The following CHN2 variants were observed in gnomAD, a reference collection of about 807,000 sequenced individuals.
CHN2 encodes the protein chimerin 2.
A neutral mutation model predicts 56.3 loss-of-function variants in CHN2; 35 were observed. That is an observed-to-expected ratio of 0.62 (90% confidence interval 0.47 to 0.82). The LOEUF (loss-of-function observed/expected upper bound fraction) is 0.82. Ranked by LOEUF, CHN2 falls within the 40% of genes least tolerant of loss-of-function variation. CHN2 has a pLI of 0.00. For synonymous variants in CHN2, 210 were observed against 212.8 expected, an observed-to-expected ratio of 0.99 and a Z score of 0.12; for missense variants, 491 against 580.5, an observed-to-expected ratio of 0.85 and a Z score of 1.58.
intron 3 of CHN2, among the ~76,000 whole-genome samples, chr7:29,381,746 T>G (rs1410918017): frequency 7.1e-6 from 1 of 140,780 alleles, no homozygotes; most frequent in East Asian, 2.2e-4. Flanking sequence ...AGATTTTGAT[T>G]TAATGGAAAT....
intron 6 of CHN2, among the ~76,000 whole-genome samples, chr7:29,411,504 T>C (rs957522133): frequency 2.6e-5 from 4 of 152,150 alleles, no homozygotes; most frequent in Non-Finnish European, 5.9e-5. Context: ...TGGAGTCATA[T>C]CTGCCCACTA....
intron 2 of CHN2, among the ~76,000 whole-genome samples, chr7:29,168,404 A>G (rs748395645): frequency 2.0e-5 from 3 of 152,186 alleles, no homozygotes; most frequent in Admixed American, 6.6e-5. Flanking sequence ...TTTCAAGCAT[A>G]CAAAATAGAA....
At chr7:29,437,927 C>T (rs1462314370) in intron 6 of CHN2, among the ~76,000 whole-genome samples, 1 of 152,128 alleles carries the variant, frequency 6.6e-6, no homozygotes, top group Non-Finnish European at 1.5e-5. Flanking sequence ...GGCTGAAGAG[C>T]TTTAAGAACC....
At chr7:29,407,104 G>A (rs911197854) in intron 6 of CHN2, among the ~76,000 whole-genome samples, 2 of 152,152 alleles carry the variant, frequency 1.3e-5, no homozygotes, top group Non-Finnish European at 2.9e-5. Context: ...GTAGCATCAG[G>A]AGCAGCAGGA....
intron 1 of CHN2, among the ~76,000 whole-genome samples, chr7:29,305,145 AG>A (rs1335681483): frequency 1.3e-5 from 2 of 152,192 alleles, no homozygotes; most frequent in Non-Finnish European, 2.9e-5. Flanking sequence ...GCCTGCACAG[AG>A]GATACGACAG....
chr7:29,212,488 G>A, intron 1 of CHN2: 1 of 1,583,558 alleles, frequency 6.3e-7, no homozygotes, highest in South Asian at 1.1e-5. Flanking sequence ...TGCTTATTCA[G>A]GACAGCCCTG....
Position 29,171,054 on chromosome 7 carries a change from A to G in CHN2, c.274+24094A>G, listed in dbSNP as rs1442208158. 7.2e-5 allele frequency among the ~76,000 whole-genome samples: 11 copies of G among 152,068 alleles called. No individual in the cohort carries two copies. The South Asian group carries it at 8.3e-4, about 11-fold the overall frequency. ...CAAACCATATCACTTACACTTCTCT[A>G]TGACTCAGCTGATTTATTAAAAAAC... On this transcript the variant is annotated intron_variant, in intron 2 of 6. Transcript: ENST00000439384.
chr7:29,198,096 G>C (rs571348945), intron 1 of CHN2: 23 of 454,590 alleles, frequency 5.1e-5, no homozygotes, highest in Admixed American at 4.2e-4. Context: ...GCTGATGTAG[G>C]AGGTTTTCTT....
chr7:29,204,065 CTCTG>C (rs369809606), intron 1 of CHN2, among the ~76,000 whole-genome samples: 4,634 of 135,678 alleles, frequency 0.034, 69 homozygotes, highest in Middle Eastern at 0.046. Flanking sequence ...TTTTCTCTCT[CTCTG>C]TGTGTGTGTG....
chr7:29,385,278 A>T (rs555596591), intron 3 of CHN2, among the ~76,000 whole-genome samples: 2 of 147,542 alleles, frequency 1.4e-5, no homozygotes, highest in East Asian at 1.9e-4. Context: ...ATTTTTGGTT[A>T]AAAAAAATGT....
At chr7:29,257,516 T>C (rs1233974976) in intron 1 of CHN2, among the ~76,000 whole-genome samples, 1 of 152,104 alleles carries the variant, frequency 6.6e-6, no homozygotes, top group Non-Finnish European at 1.5e-5. Context: ...CCTCCACATA[T>C]CCCAGCACCT....
chr7:29,336,253 T>C (rs997396002), intron 1 of CHN2: 2 of 152,146 alleles, frequency 1.3e-5, no homozygotes, highest in African/African-American at 4.8e-5. Flanking sequence ...AGACAGGTAC[T>C]GAAAGACGGC....
intron 1 of CHN2, among the ~76,000 whole-genome samples, chr7:29,247,669 A>T (rs536195383): frequency 7.2e-5 from 11 of 152,204 alleles, no homozygotes; most frequent in Non-Finnish European, 1.3e-4. Context: ...CACCGCCCCG[A>T]TGGTGCCTCA....
At chr7:29,245,517 A>G (rs1224558041) in intron 1 of CHN2, among the ~76,000 whole-genome samples, 1 of 152,244 alleles carries the variant, frequency 6.6e-6, no homozygotes, top group African/African-American at 2.4e-5. Context: ...AATGATAATG[A>G]TAATATTTTC....
chr7:29,244,119 C>A (rs1236693348), intron 1 of CHN2, among the ~76,000 whole-genome samples: 2 of 152,170 alleles, frequency 1.3e-5, no homozygotes, highest in South Asian at 2.1e-4. Context: ...TCTCCCCACA[C>A]CCACTTTCCC....
Position 29,320,041 on chromosome 7 carries a change from A to G in CHN2, c.50-34584A>G, listed in dbSNP as rs542351371. Among the ~76,000 whole-genome samples, 5 of 152,380 alleles carry G rather than the reference A, an allele frequency of 3.3e-5. No homozygotes were observed. The South Asian group carries it at 1.0e-3, about 32-fold the overall frequency. ...CAATATTCAGTGAGGAACTCTGCTCAGCACTTACATCAGCTCACTGAATCC... is the reference window on the plus strand; with the variant it reads ...CAATATTCAGTGAGGAACTCTGCTCGGCACTTACATCAGCTCACTGAATCC... On this transcript the variant is annotated intron_variant, in intron 1 of 12. Transcript: ENST00000222792.
chr7:29,401,749 C>T (rs1013443779), intron 6 of CHN2, among the ~76,000 whole-genome samples: 1 of 152,110 alleles, frequency 6.6e-6, no homozygotes, highest in Non-Finnish European at 1.5e-5. Flanking sequence ...AGTATGCAGG[C>T]GGGGGGTAGA....
chr7:29,466,228 GAGGA>G (rs70980538), intron 6 of CHN2, among the ~76,000 whole-genome samples: 6 of 150,856 alleles, frequency 4.0e-5, no homozygotes, highest in African/African-American at 4.9e-5. Context: ...GAGAGGAAGA[GAGGA>G]AGGAAGGAAG....
chr7:29,467,031 A>G (rs1785602541), intron 6 of CHN2, among the ~76,000 whole-genome samples: 1 of 152,130 alleles, frequency 6.6e-6, no homozygotes, highest in African/African-American at 2.4e-5. Context: ...TGTATTCTAC[A>G]TTTTTTTATG....
Sources: allele counts gnomAD v4.1 joint callset (sites outside exome capture counted in the v4.1 genomes callset), GRCh38; gene constraint gnomAD v4.1.1; transcripts MANE v1.5; gene names NCBI Gene and HGNC (gene_info 2026-07-23, HGNC 2026-07-21).